Variants in ZNF250 observed in about 807,000 individuals in gnomAD.
ZNF250 encodes zinc finger protein 250.
A neutral mutation model predicts 37.1 loss-of-function variants in ZNF250; 13 were observed. That is an observed-to-expected ratio of 0.35 (90% CI 0.23 to 0.56). The LOEUF is 0.56. Among genes scored for constraint, ZNF250 ranks in the 20% least tolerant of loss-of-function variants. The pLI is 0.87. For missense variants in ZNF250, 474 were observed against 697.9 expected (o/e 0.68, Z 3.61); for synonymous variants, 251 against 265.6 (o/e 0.94, Z 0.54).
Position 144,882,946 on chromosome 8 carries a change from C to G in ZNF250, c.347-110G>C. 1.7e-6 allele frequency: 2 copies of G among 1,203,854 alleles called. No individual in the cohort carries two copies. The highest frequency in any genetic ancestry group is 1.5e-5 in the South Asian group (1 of 68,426). The allele number at this position is 1,203,854 out of a possible 1,614,324, so 74.6% of individuals were successfully genotyped here. On this transcript the variant is annotated intron_variant, in intron 5 of 5. Coordinates refer to ENST00000417550, the MANE Select transcript of ZNF250 (RefSeq NM_001109689.4). This position sits in a 1 kb window ranked among gnomAD's most constrained non-coding sequence, Gnocchi z 5.5. The stretch of plus-strand genomic sequence containing the variant: ...AAGGTGCAAAATCCCTCAATGCACA[C>G]GTTGGTGTGAGCTACAGAAGAACAG...
chr8:144,901,806 T>G (rs569258279), upstream of ZNF250: 85 of 152,872 alleles, frequency 5.6e-4, no homozygotes, highest in African/African-American at 2.0e-3. The surrounding 1 kb of genome is among the most constrained non-coding windows in gnomAD (Gnocchi z 5.4). Flanking sequence ...AGGACACCCC[T>G]GCCGGCCCCG....
Position 144,891,246 on chromosome 8 carries a change from C to A in ZNF250, c.-54-843G>T, listed in dbSNP as rs1432914527. Among the ~76,000 whole-genome samples the A allele has an allele frequency of 1.3e-5, 2 of 152,142 alleles. No individual in the cohort carries two copies. The highest frequency in any genetic ancestry group is 2.9e-5 in the Non-Finnish European group (2 of 68,030). ...CTGTGACAGGGATACAGAAACCAAC[C>A]AGGTGACCAAAGGTGGTAGATCACT... On this transcript the variant is annotated intron_variant, in intron 1 of 5. Transcript: ENST00000417550. The surrounding 1 kb of genome is among the most constrained non-coding windows in gnomAD (Gnocchi z 4.0).
chr8:144,883,170 G>C (rs888448739), intron 5 of ZNF250, among the ~76,000 whole-genome samples: 2 of 152,132 alleles, frequency 1.3e-5, no homozygotes, highest in African/African-American at 4.8e-5. Flanking sequence ...GGACAGAGCT[G>C]AAATACAGGC....
intron 5 of ZNF250, among the ~76,000 whole-genome samples, chr8:144,885,416 CG>C: frequency 6.6e-6 from 1 of 152,206 alleles, no homozygotes; most frequent in African/African-American, 2.4e-5. Flanking sequence ...CCACCACCCC[CG>C]GCCCAGTTTA....
intron 3 of ZNF250, 68 bp from the exon 4 acceptor site, chr8:144,889,762 C>CT: frequency 6.6e-7 from 1 of 1,522,494 alleles, no homozygotes; most frequent in Non-Finnish European, 8.9e-7. Context: ...GCCCAAGCCA[C>CT]TTGTGGGGAC....
chr8:144,892,428 GA>G (rs1832409284), intron 1 of ZNF250, among the ~76,000 whole-genome samples: 1 of 152,200 alleles, frequency 6.6e-6, no homozygotes, highest in Non-Finnish European at 1.5e-5. Context: ...AGGAACAGAT[GA>G]AGCCAGACAG....
chr8:144,886,796 C>T, intron 5 of ZNF250, 44 bp downstream of exon 5: 2 of 1,572,350 alleles, frequency 1.3e-6, no homozygotes, highest in African/African-American at 1.4e-5. Flanking sequence ...GTGTTAACAC[C>T]TTCAGAGATT....
At chr8:144,896,554 G>A (rs1284524148) in intron 1 of ZNF250, among the ~76,000 whole-genome samples, 5 of 152,150 alleles carry the variant, frequency 3.3e-5, no homozygotes, top group Admixed American at 6.5e-5. Flanking sequence ...ACAGGAAAAT[G>A]TAAGAGCTAT....
intron 1 of ZNF250, among the ~76,000 whole-genome samples, chr8:144,892,966 TCTC>T (rs1832453115): frequency 6.6e-6 from 1 of 151,124 alleles, no homozygotes; most frequent in African/African-American, 2.4e-5. Flanking sequence ...TTCAAGCAAT[TCTC>T]CTGCCTCAGC....
chr8:144,889,891 C>G, intron 3 of ZNF250, 42 bp downstream of exon 3: 1 of 1,562,236 alleles, frequency 6.4e-7, no homozygotes, highest in Non-Finnish European at 8.7e-7. Flanking sequence ...CACCCCAGTC[C>G]AATACGCAGA....
intron 4 of ZNF250, among the ~76,000 whole-genome samples, chr8:144,889,305 G>C (rs1237316270): frequency 6.6e-6 from 1 of 152,172 alleles, no homozygotes; most frequent in African/African-American, 2.4e-5. Context: ...AGTCCCTCTG[G>C]TCAGGGACAG....
upstream of ZNF250, chr8:144,901,560 T>G (rs1185297536): frequency 6.6e-6 from 1 of 152,028 alleles, no homozygotes; most frequent in African/African-American, 2.4e-5. This position sits in a 1 kb window ranked among gnomAD's most constrained non-coding sequence, Gnocchi z 5.4. Flanking sequence ...GCAAGCATGT[T>G]TACGTCATTT....
At chr8:144,900,498 C>CG (rs1563906753) in intron 1 of ZNF250, among the ~76,000 whole-genome samples, 1 of 152,050 alleles carries the variant, frequency 6.6e-6, no homozygotes, top group Non-Finnish European at 1.5e-5. Flanking sequence ...GGCAGAGTGT[C>CG]GGGGGGGATG....
At position 144,880,426 on chromosome 8, in the gene ZNF250, T is replaced by C. The variant is rs1017819939; in HGVS notation, c.*1089A>G. On this transcript the variant is annotated 3_prime_UTR_variant, in exon 6 of 6. Transcript: ENST00000417550. ...CTCCCCTCCTTTGCCTGCATGGGAA[T>C]TGAGACATCTCACGGTTTCTGGGGC... 4 of 456,720 alleles carry C rather than the reference T, an allele frequency of 8.8e-6. No homozygotes were observed. Among genetic ancestry groups the C allele is most frequent in the Middle Eastern group, 3.2e-4 (1 of 3,100 alleles). The allele number at this position is 456,720 out of a possible 1,614,324, so 28.3% of individuals were successfully genotyped here.
chr8:144,880,626 A>C lies in ZNF250; in HGVS notation c.*889T>G. 2.6e-6 allele frequency: 1 copy of C among 387,672 alleles called. No homozygotes were observed. The highest frequency in any genetic ancestry group is 2.9e-5 in the Admixed American group (1 of 34,688). The allele number at this position is 387,672 out of a possible 1,614,324, so 24.0% of individuals were successfully genotyped here. A position where few individuals can be genotyped will look rare whatever the true frequency, so the allele number is the denominator to read the frequency against. On this transcript the variant is annotated 3_prime_UTR_variant, in exon 6 of 6. Coordinates refer to ENST00000417550, the MANE Select transcript of ZNF250 (RefSeq NM_001109689.4). ...CGCCTGTAATCCCAACACTTTCGGAAGCAAAGGTGGGAGGATCACTTGAGG... is the reference window on the plus strand; with the variant it reads ...CGCCTGTAATCCCAACACTTTCGGACGCAAAGGTGGGAGGATCACTTGAGG...
chr8:144,892,311 G>T (rs1275678217), intron 1 of ZNF250, among the ~76,000 whole-genome samples: 5 of 152,184 alleles, frequency 3.3e-5, no homozygotes, highest in African/African-American at 1.2e-4. Context: ...CTAGAGAATA[G>T]CCAAGAATTT....
intron 5 of ZNF250, 85 bp downstream of exon 5, chr8:144,886,755 C>T (rs1047579098): frequency 6.4e-6 from 8 of 1,241,762 alleles, no homozygotes; most frequent in South Asian, 2.5e-5. Context: ...TTCATAGCAC[C>T]GAGTCGCCTC....
rs1394814801 is a variant in ZNF250, at chr8:144,901,452, A to C, written c.-108T>G. ...GAACGGCATCCCGCAGCACCTTCAGACAAAGGGCTGCCCCGCCCCGTCTGC... is the reference window on the plus strand; with the variant it reads ...GAACGGCATCCCGCAGCACCTTCAGCCAAAGGGCTGCCCCGCCCCGTCTGC... On this transcript the variant is annotated 5_prime_UTR_variant, in exon 1 of 6. Transcript: ENST00000417550. The surrounding 1 kb of genome is among the most constrained non-coding windows in gnomAD (Gnocchi z 5.4). 6.6e-6 allele frequency: 1 copy of C among 152,292 alleles called. No homozygotes were observed. The highest frequency in any genetic ancestry group is 1.9e-4 in the East Asian group (1 of 5,162). The allele number at this position is 152,292 out of a possible 1,614,324, so 9.4% of individuals were successfully genotyped here.
intron 1 of ZNF250, among the ~76,000 whole-genome samples, chr8:144,893,427 C>A (rs117119806): frequency 0.023 from 3,528 of 152,226 alleles, 73 homozygotes; most frequent in Admixed American, 0.075. Context: ...GTCTCCCAGG[C>A]TCAAGCGATC....
Sources: gnomAD v4.1 joint callset for allele counts (sites outside exome capture counted in the v4.1 genomes callset) on GRCh38, gnomAD v4.1.1 for gene constraint, Gnocchi (gnomAD v3.1) non-coding constraint, MANE v1.5 for transcripts, NCBI Gene and HGNC (gene_info 2026-07-23, HGNC 2026-07-21) for gene names.